The following PHF20L1 variants were observed in gnomAD, a reference collection of about 807,000 sequenced individuals.
The protein encoded by PHF20L1 is PHD finger protein 20 like 1.
Under a neutral mutation model 125.5 loss-of-function variants are expected in PHF20L1, and 44 were observed. The observed-to-expected ratio is 0.35, with a 90% CI of 0.28 to 0.45. PHF20L1 has a LOEUF of 0.45. Among genes scored for constraint, PHF20L1 ranks in the 20% least tolerant of loss-of-function variants. The probability of loss-of-function intolerance (pLI) is 1.00; values close to 1 mark genes in which losing one functional copy is unlikely to be tolerated. For missense variants in PHF20L1, 1,012 were observed against 1,217.2 expected, an observed-to-expected ratio of 0.83 and a Z score of 2.51; for synonymous variants, 380 against 403.1, an observed-to-expected ratio of 0.94 and a Z score of 0.69.
chr8:132,847,626 T>A lies in PHF20L1; in HGVS notation c.*1703T>A, dbSNP rs2467997. The stretch of plus-strand genomic sequence containing the variant: ...GCCTTTTTGCGGCCTTATATTTTGA[T>A]GTAAAGATTAAAAGAATGTGCAAAA... On this transcript the variant is annotated 3_prime_UTR_variant, in exon 21 of 21. Coordinates refer to ENST00000395386, the MANE Select transcript of PHF20L1 (RefSeq NM_016018.5). 0.21 allele frequency: 31,702 copies of A among 152,542 alleles called. 3,506 individuals carry two copies. The highest frequency in any genetic ancestry group is 0.26 in the Non-Finnish European group (17,441 of 67,944). 9.4% of individuals were successfully genotyped at this position (152,542 alleles called of 1,614,324 possible).
intron 19 of PHF20L1, chr8:132,843,298 A>T (rs1019150452): frequency 1.0e-6 from 1 of 984,816 alleles, no homozygotes; most frequent in Non-Finnish European, 1.2e-6. Flanking sequence ...ATGTTTGTCA[A>T]TGCATCCCAC....
intron 14 of PHF20L1, among the ~76,000 whole-genome samples, chr8:132,831,054 G>T (rs1836718943): frequency 6.6e-6 from 1 of 151,826 alleles, no homozygotes; most frequent in African/African-American, 2.4e-5. Context: ...TTCTTTCCTG[G>T]ACTACTGCTG....
chr8:132,817,100 G>A (rs1835068234), intron 11 of PHF20L1, 24 bp downstream of exon 11: 4 of 1,375,392 alleles, frequency 2.9e-6, no homozygotes, highest in Non-Finnish European at 3.9e-6. Flanking sequence ...ATTTCCTATA[G>A]AACCAAACAT....
intron 9 of PHF20L1, among the ~76,000 whole-genome samples, chr8:132,814,176 A>T (rs140955006): frequency 1.6e-3 from 242 of 152,046 alleles, no homozygotes; most frequent in African/African-American, 5.3e-3. Context: ...GAATCTGTCT[A>T]CTTAGACCTT....
intron 20 of PHF20L1, among the ~76,000 whole-genome samples, chr8:132,845,234 T>G (rs538462849): frequency 1.3e-5 from 2 of 152,108 alleles, no homozygotes; most frequent in African/African-American, 4.8e-5. Flanking sequence ...CTGCCTACAA[T>G]TTTAATACGC....
chr8:132,836,338 T>C (rs1240302343), intron 15 of PHF20L1: 3 of 477,892 alleles, frequency 6.3e-6, no homozygotes, highest in Non-Finnish European at 1.1e-5. Context: ...CTATAAGATA[T>C]AAAGCAGTCA....
intron 12 of PHF20L1, chr8:132,818,455 C>A (rs1332276161): frequency 2.6e-5 from 4 of 151,800 alleles, no homozygotes; most frequent in Non-Finnish European, 4.4e-5. Context: ...TAAAATGAAA[C>A]TTATTCTTTT....
chr8:132,784,921 C>T (rs1830845053), intron 2 of PHF20L1, among the ~76,000 whole-genome samples: 1 of 152,134 alleles, frequency 6.6e-6, no homozygotes, highest in Non-Finnish European at 1.5e-5. Flanking sequence ...AGAGCTTGAG[C>T]AAGGTAGGTA....
rs535541861 is a variant in PHF20L1 at position 132,847,546 on chromosome 8, A to T, written c.*1623A>T. 1 of 152,614 alleles carries T rather than the reference A, an allele frequency of 6.6e-6. No homozygotes were observed. The allele number at this position is 152,614 out of a possible 1,614,324, so 9.5% of individuals were successfully genotyped here. The stretch of plus-strand genomic sequence containing the variant: ...AACACATTGTTCTATATGTAAGGGT[A>T]CTGTATGTAAAACTCTGTATTAAAA... On this transcript the variant is annotated 3_prime_UTR_variant, in exon 21 of 21. Transcript: ENST00000395386.
intron 8 of PHF20L1, chr8:132,808,263 A>G (rs1482705983): frequency 6.6e-6 from 1 of 152,420 alleles, no homozygotes; most frequent in East Asian, 1.9e-4. Context: ...TTTTATGAAC[A>G]CATTGCAATG....
In PHF20L1 at chr8:132,783,759, A is replaced by G. The variant is rs188241931; in HGVS notation, c.83+5848A>G. 6.6e-5 allele frequency among the ~76,000 whole-genome samples: 10 copies of G among 152,318 alleles called. 1 individual carries two copies. The highest frequency in any genetic ancestry group is 6.5e-4 in the Admixed American group (10 of 15,308). ...TTTGAGTCATTACCTTTGAAAACCA[A>G]TGCCAGCTGTAGACTTAGAAAAAAT... On this transcript the variant is annotated intron_variant, in intron 2 of 20. Transcript: ENST00000395386.
Position 132,845,893 on chromosome 8 carries a change from A to G in PHF20L1, c.3024A>G (p.Val1008=). ...IKQLLIDMGK[V]QQIATLCSV is the part of the protein sequence containing the mutation. ...AGCTCCTAATTGACATGGGCAAAGT[A>G]CAGCAGATAGCAACTCTTTGCTCTG... Residue 1008 remains valine (V), a synonymous_variant, in exon 21 of 21, where the codon GTA becomes GTG. Coordinates refer to ENST00000395386, the MANE Select transcript of PHF20L1 (RefSeq NM_016018.5). 6.2e-7 allele frequency: 1 copy of G among 1,612,374 alleles called. No homozygotes were observed. Among genetic ancestry groups the G allele is most frequent in the Non-Finnish European group, 8.5e-7 (1 of 1,178,760 alleles).
chr8:132,792,809 G>A (rs541848339), intron 2 of PHF20L1, among the ~76,000 whole-genome samples: 25 of 152,034 alleles, frequency 1.6e-4, no homozygotes, highest in South Asian at 1.0e-3. Context: ...ATACATTTTC[G>A]TGATAAAAGG....
At chr8:132,838,236 G>A (rs1837580579) in intron 17 of PHF20L1, 2 of 172,948 alleles carry the variant, frequency 1.2e-5, no homozygotes, top group African/African-American at 4.7e-5. Context: ...GAAGAGGTGT[G>A]ACTTTTTCCT....
chr8:132,829,878 T>C (rs1008442338), intron 14 of PHF20L1, among the ~76,000 whole-genome samples: 2 of 152,068 alleles, frequency 1.3e-5, no homozygotes, highest in African/African-American at 2.4e-5. Context: ...TTAAAAGAGT[T>C]AATACACATA....
chr8:132,820,841 C>T (rs1835504415), intron 12 of PHF20L1, among the ~76,000 whole-genome samples: 1 of 151,904 alleles, frequency 6.6e-6, no homozygotes, highest in African/African-American at 2.4e-5. Context: ...TTGTTTGTAA[C>T]CACTGTGAAG....
In PHF20L1 at chr8:132,839,261, T is replaced by A. The variant is rs897385886; in HGVS notation, c.2192-126T>A. On this transcript the variant is annotated intron_variant, in intron 17 of 20. Coordinates refer to ENST00000395386, the MANE Select transcript of PHF20L1 (RefSeq NM_016018.5). ...CCAGTTCCTCAGAACGCTGTCTTAC[T>A]CTTTTTGAATCTGCTCCTAGTGCTA... 3.9e-5 allele frequency: 28 copies of A among 720,076 alleles called. No individual in the cohort carries two copies. In the South Asian group the frequency reaches 4.9e-4, roughly 13 times the overall value. The allele number at this position is 720,076 out of a possible 1,614,324, so 44.6% of individuals were successfully genotyped here.
At chr8:132,801,571 C>G (rs191242078) in intron 6 of PHF20L1, among the ~76,000 whole-genome samples, 2 of 151,738 alleles carry the variant, frequency 1.3e-5, no homozygotes, top group East Asian at 3.9e-4. Context: ...AACAATGAAG[C>G]TTTTCTATAG....
At chr8:132,805,285 T>C (rs1833554139) in intron 8 of PHF20L1, among the ~76,000 whole-genome samples, 1 of 151,948 alleles carries the variant, frequency 6.6e-6, no homozygotes, top group Admixed American at 6.6e-5. Context: ...TCTGGGCTTA[T>C]TTATTTCCAT....
Sources: allele counts gnomAD v4.1 joint callset (sites outside exome capture counted in the v4.1 genomes callset), GRCh38; gene constraint gnomAD v4.1.1; transcripts MANE v1.5; gene names NCBI Gene and HGNC (gene_info 2026-07-23, HGNC 2026-07-21).